Variants in PFKP observed in about 807,000 individuals in gnomAD.
PFKP encodes the protein phosphofructokinase, platelet, also known as ATP-dependent 6-phosphofructokinase, platelet type.
PFKP carries 101 observed loss-of-function variants against 94.3 expected under a neutral mutation model. The ratio of observed to expected loss-of-function variants is 1.07; its 90% confidence interval spans 0.91 to 1.26. The LOEUF is 1.26. Ranked by LOEUF, PFKP falls within the 50% of genes most tolerant of loss-of-function variation. The pLI, the probability that PFKP is intolerant of heterozygous loss-of-function variation, is 0.00. For missense variants in PFKP, 1,145 were observed against 1,103.3 expected, an observed-to-expected ratio of 1.04 and a Z score of -0.53; for synonymous variants, 573 against 432.6, an observed-to-expected ratio of 1.32 and a Z score of -4.03.
Position 3,104,817 on chromosome 10 carries a change from CG to C in PFKP, c.621-294del, listed in dbSNP as rs1434075834. 1.2e-4 allele frequency: 58 copies of C among 496,454 alleles called. 1 individual carries two copies. In the East Asian group the frequency reaches 1.6e-3, roughly 14 times the overall value. The allele number at this position is 496,454 out of a possible 1,614,324, so 30.8% of individuals were successfully genotyped here. A position where few individuals can be genotyped will look rare whatever the true frequency, so the allele number is the denominator to read the frequency against. On this transcript the variant is annotated intron_variant, in intron 5 of 21. Transcript: ENST00000381125. Reference sequence around the variant, plus strand: ...TCTGGGAAAGAGCCCAGCACGGGGCCGGGGAGTGTGAGTGTGTCCTGGCACA... The same window carrying C: ...TCTGGGAAAGAGCCCAGCACGGGGCCGGGAGTGTGAGTGTGTCCTGGCACA...
intron 6 of PFKP, 39 bp downstream of exon 6, chr10:3,105,198 T>A (rs769004249): frequency 5.7e-6 from 9 of 1,587,250 alleles, no homozygotes; most frequent in Admixed American, 1.7e-5. Context: ...GCGGTTCAGG[T>A]GGGGGACCCT....
chr10:3,071,949 T>C (rs1832228147), intron 1 of PFKP, among the ~76,000 whole-genome samples: 1 of 152,192 alleles, frequency 6.6e-6, no homozygotes. Flanking sequence ...TTCACAGAGC[T>C]CCGTGGTGGG....
rs367982413 is a variant in PFKP at position 3,132,461 on chromosome 10, G to T, written c.1910+20G>T. On this transcript the variant is annotated intron_variant, in intron 18 of 21. Transcript: ENST00000381125. ...GCTCAGGTGAGAGAGAGAGACCAGG[G>T]GCTGATCTTACCCTCACCGCCACAC... 1.3e-5 allele frequency: 20 copies of T among 1,566,554 alleles called. No homozygotes were observed. The highest frequency in any genetic ancestry group is 3.3e-5 in the Admixed American group (2 of 59,926).
chr10:3,091,116 C>T (rs746660547), intron 2 of PFKP, among the ~76,000 whole-genome samples: 1 of 152,188 alleles, frequency 6.6e-6, no homozygotes, highest in Non-Finnish European at 1.5e-5. Context: ...ACGTGTGAAG[C>T]ATGCCAAGCC....
chr10:3,089,649 TTATGTA>T (rs1207949113), intron 2 of PFKP, among the ~76,000 whole-genome samples: 1 of 150,046 alleles, frequency 6.7e-6, no homozygotes, highest in Non-Finnish European at 1.5e-5. Flanking sequence ...TGAATATATA[TTATGTA>T]TATATTATTA....
intron 1 of PFKP, among the ~76,000 whole-genome samples, chr10:3,074,568 G>A (rs1300471779): frequency 2.0e-5 from 3 of 152,174 alleles, no homozygotes; most frequent in Non-Finnish European, 2.9e-5. Flanking sequence ...TGGGGCACGT[G>A]GCAGGGCAGC....
intron 16 of PFKP, among the ~76,000 whole-genome samples, chr10:3,126,060 C>T (rs971533356): frequency 1.3e-5 from 2 of 152,210 alleles, no homozygotes; most frequent in African/African-American, 4.8e-5. Context: ...TACATCTTGA[C>T]GTCCAAGCCA....
intron 16 of PFKP, among the ~76,000 whole-genome samples, chr10:3,128,579 C>T (rs2279203): frequency 0.24 from 37,169 of 152,200 alleles, 4,601 homozygotes; most frequent in East Asian, 0.3. Context: ...TCCCTCGTGG[C>T]CCGTTCAGGT....
chr10:3,093,275 G>A (rs2131492080), intron 2 of PFKP, among the ~76,000 whole-genome samples: 1 of 151,980 alleles, frequency 6.6e-6, no homozygotes, highest in Middle Eastern at 3.4e-3. Flanking sequence ...GAAAGACCAA[G>A]CAAGGTTGTC....
At chr10:3,105,354 T>A (rs1236832282) in intron 6 of PFKP, 39 bp from the exon 7 acceptor site, 1 of 1,540,786 alleles carries the variant, frequency 6.5e-7, no homozygotes, top group East Asian at 2.2e-5. Flanking sequence ...GTGGGAAGGA[T>A]CCTTCTGGGG....
chr10:3,068,709 G>A, intron 1 of PFKP: 2 of 985,082 alleles, frequency 2.0e-6, no homozygotes, highest in Non-Finnish European at 2.4e-6. Context: ...GTGCCCGGAT[G>A]ATGGAGTGTC....
chr10:3,132,912 C>CAG (rs33979603), intron 18 of PFKP, among the ~76,000 whole-genome samples: 64,905 of 151,864 alleles, frequency 0.43, 14,062 homozygotes, highest in African/African-American at 0.49. Context: ...CTGGGTGGGA[C>CAG]AGCAAGAGAG....
In PFKP at chr10:3,116,756, G is replaced by A. The variant is rs371258886; in HGVS notation, c.1372-20G>A. 48 of 1,602,288 alleles carry A rather than the reference G, an allele frequency of 3.0e-5. No homozygotes were observed. In the African/African-American group the frequency reaches 4.3e-4, roughly 14 times the overall value. ...TTTCATTGTTCACTTTAGCTGTTTCGTTCTGTGTTTGCACATTAGATCAAA... is the reference window on the plus strand; with the variant it reads ...TTTCATTGTTCACTTTAGCTGTTTCATTCTGTGTTTGCACATTAGATCAAA... On this transcript the variant is annotated intron_variant, in intron 13 of 21. Transcript: ENST00000381125.
chr10:3,106,212 T>C (rs900494238), intron 7 of PFKP, among the ~76,000 whole-genome samples: 11 of 150,816 alleles, frequency 7.3e-5, no homozygotes, highest in African/African-American at 2.7e-4. Context: ...GCAGAAAGCA[T>C]GGCGTGCACG....
At chr10:3,094,685 G>A (rs149843210) in intron 2 of PFKP, among the ~76,000 whole-genome samples, 4 of 152,240 alleles carry the variant, frequency 2.6e-5, no homozygotes, top group African/African-American at 7.2e-5. Context: ...AATTCCTGCC[G>A]CCTCTCTTTC....
At chr10:3,090,275 C>T (rs534067743) in intron 2 of PFKP, among the ~76,000 whole-genome samples, 52 of 152,290 alleles carry the variant, frequency 3.4e-4, no homozygotes, top group Admixed American at 6.5e-4. Context: ...GGTGAGCCAT[C>T]GTGGGCCTGC....
intron 2 of PFKP, among the ~76,000 whole-genome samples, chr10:3,087,984 C>CTTTTTTTTTTTTTT (rs1224829610): frequency 2.0e-4 from 19 of 96,544 alleles, no homozygotes; most frequent in Non-Finnish European, 3.4e-4. Context: ...ATCTTTCATT[C>CTTTTTTTTTTTTTT]TTTTTTTTTT....
intron 19 of PFKP, among the ~76,000 whole-genome samples, 185 bp from the exon 20 acceptor site, chr10:3,134,298 G>C (rs185654545): frequency 9.9e-5 from 15 of 152,282 alleles, no homozygotes; most frequent in Admixed American, 8.5e-4. Context: ...TGAGCGGGGG[G>C]AACACTTGAT....
chr10:3,132,302 TC>T, intron 17 of PFKP, 77 bp from the exon 18 acceptor site: 1 of 1,059,132 alleles, frequency 9.4e-7, no homozygotes, highest in Non-Finnish European at 1.5e-6. Context: ...GGTTGGCACT[TC>T]CCAGCCTGCA....
Sources: gnomAD v4.1 joint callset for allele counts (sites outside exome capture counted in the v4.1 genomes callset) on GRCh38, gnomAD v4.1.1 for gene constraint, MANE v1.5 for transcripts, NCBI Gene and HGNC (gene_info 2026-07-23, HGNC 2026-07-21) for gene names.